GPC4: variants seen among roughly 807,000 people sequenced by gnomAD.
GPC4 encodes glypican 4.
Under a neutral mutation model 35.0 loss-of-function variants are expected in GPC4, and 10 were observed. The observed-to-expected ratio is 0.29, with a 90% confidence interval of 0.18 to 0.48. GPC4 has a LOEUF of 0.48. Ranked by LOEUF, GPC4 falls within the 20% of genes least tolerant of loss-of-function variation. The pLI is 0.99. For synonymous variants in GPC4, 167 were observed against 170.2 expected, an observed-to-expected ratio of 0.98 and a Z score of 0.15; for missense variants, 322 against 451.3, an observed-to-expected ratio of 0.71 and a Z score of 2.60.
Position 133,414,848 on chromosome X carries a change from T to C in GPC4, c.118A>G (p.Lys40Glu). The change falls in exon 1 of 9, where the codon AAA becomes GAA. Residue 40 changes from lysine to glutamate, a missense_variant. Lys to Glu is a moderately conservative substitution (Grantham distance 56). This residue lies in a region of GPC4 where 60 missense variants were observed against 64.1 expected (regional missense o/e 0.94). Coordinates refer to ENST00000370828, the MANE Select transcript of GPC4 (RefSeq NM_001448.3). ...CSEVRRLYVS[K>E]GFNKNDAPLH... ...GGGGCATCGTTCTTGTTGAAGCCTT[T>C]GGACACGTAAAGACGTCGCACTTCC... 1.7e-6 allele frequency: 2 copies of C among 1,211,918 alleles called. No homozygotes were observed. The highest frequency in any genetic ancestry group is 2.2e-6 in the Non-Finnish European group (2 of 895,473).
chrX:133,365,553 G>A (rs2068586261), intron 1 of GPC4, among the ~76,000 whole-genome samples: 1 of 111,537 alleles, frequency 9.0e-6, no homozygotes, highest in Admixed American at 9.6e-5. Context: ...AGGCTGCTGA[G>A]TTTCAGATCT....
chrX:133,381,190 G>A (rs1361359173), intron 1 of GPC4, among the ~76,000 whole-genome samples: 1 of 111,987 alleles, frequency 8.9e-6, no homozygotes, highest in Non-Finnish European at 1.9e-5. Context: ...GATCATACGT[G>A]AGCAGCTACT....
intron 1 of GPC4, among the ~76,000 whole-genome samples, chrX:133,351,692 T>A (rs1476442567): frequency 9.0e-6 from 1 of 111,413 alleles, no homozygotes; most frequent in African/African-American, 3.3e-5. Flanking sequence ...ATCAGACCTG[T>A]TAATTAACTA....
intron 1 of GPC4, among the ~76,000 whole-genome samples, chrX:133,382,974 A>G (rs1487419727): frequency 8.9e-6 from 1 of 112,356 alleles, no homozygotes; most frequent in East Asian, 2.8e-4. Context: ...TGGTACAGCC[A>G]TTTGAAGGCA....
intron 3 of GPC4, among the ~76,000 whole-genome samples, chrX:133,313,599 G>T (rs371411803): frequency 9.0e-6 from 1 of 111,592 alleles, no homozygotes; most frequent in Admixed American, 9.5e-5. Context: ...AGGACTGGAG[G>T]GGGGAGGTGG....
intron 1 of GPC4, among the ~76,000 whole-genome samples, chrX:133,370,825 T>A (rs138055819): frequency 0.014 from 1,582 of 111,655 alleles, 35 homozygotes; most frequent in African/African-American, 0.049. Context: ...CTTTTAAGAC[T>A]GTAGCTCTTG....
At chrX:133,348,190 T>C (rs2068501461) in intron 1 of GPC4, among the ~76,000 whole-genome samples, 1 of 112,169 alleles carries the variant, frequency 8.9e-6, no homozygotes, top group South Asian at 3.7e-4. Flanking sequence ...ATAAGCAAAT[T>C]GTCAACCAAG....
At position 133,303,036 on chromosome X, in the gene GPC4, C is replaced by T. The variant is rs1291657859; in HGVS notation, c.1502G>A (p.Gly501Asp). ...TGAAGGGCACTGCTGATACTCACAG[C>T]CACTTCCACTTCCTTCTCCACTACT... is the stretch of plus-strand genomic sequence containing the variant. ...DESSGEGSGS[G>D]CEYQQCPSEF... is the part of the protein sequence containing the mutation. Residue 501 changes from glycine (G) to aspartate (D), a missense_variant, in exon 9 of 9, where the codon GGC becomes GAC. Gly to Asp is a moderately conservative substitution (Grantham distance 94). Transcript: ENST00000370828. 5 of 1,211,032 alleles carry T rather than the reference C, an allele frequency of 4.1e-6. No individual in the cohort carries two copies. Among genetic ancestry groups the T allele is most frequent in the Non-Finnish European group, 2.2e-6 (2 of 895,226 alleles).
intron 1 of GPC4, among the ~76,000 whole-genome samples, chrX:133,383,673 G>A (rs974329635): frequency 9.0e-6 from 1 of 110,782 alleles, no homozygotes; most frequent in African/African-American, 3.3e-5. Flanking sequence ...TGGAAACCCC[G>A]TCTCTACTAA....
At chrX:133,404,920 T>C (rs1171734372) in intron 1 of GPC4, among the ~76,000 whole-genome samples, 2 of 107,199 alleles carry the variant, frequency 1.9e-5, no homozygotes, top group Non-Finnish European at 3.8e-5. Context: ...AAAAAGCCAC[T>C]GAATTAATAA....
chrX:133,364,621 T>C (rs10482425), intron 1 of GPC4, among the ~76,000 whole-genome samples: 2,077 of 112,430 alleles, frequency 0.018, 54 homozygotes, highest in African/African-American at 0.062. Flanking sequence ...CATTCTGAAC[T>C]TCAATATACA....
At chrX:133,308,191 T>C (rs752692098) in intron 4 of GPC4, among the ~76,000 whole-genome samples, 57 of 111,558 alleles carry the variant, frequency 5.1e-4, no homozygotes, top group African/African-American at 1.7e-3. Context: ...CCAAAGATGA[T>C]TGGTTTGGAG....
In GPC4 at chrX:133,414,967, G is replaced by T. The variant is rs1215383571; in HGVS notation, c.-2C>A. The T allele has an allele frequency of 8.3e-7, 1 of 1,207,131 alleles. No homozygotes were observed. The highest frequency in any genetic ancestry group is 1.7e-5 in the African/African-American group (1 of 57,438). On this transcript the variant is annotated 5_prime_UTR_variant, in exon 1 of 9. Transcript: ENST00000370828. ...CGCGGGCAAGCCGAACCGTGCCATG[G>T]TGCGGGCCGGGGCGGACGCGTTCCC...
intron 1 of GPC4, among the ~76,000 whole-genome samples, chrX:133,370,209 G>A (rs1326034387): frequency 8.9e-6 from 1 of 111,824 alleles, no homozygotes; most frequent in African/African-American, 3.2e-5. Context: ...TTTTGTTCAC[G>A]TCAGAAGCAA....
chrX:133,348,645 T>C (rs766830011), intron 1 of GPC4, among the ~76,000 whole-genome samples: 37 of 112,463 alleles, frequency 3.3e-4, no homozygotes, highest in African/African-American at 1.2e-3. Flanking sequence ...AATTATGATT[T>C]TCACTAGGCT....
rs1171586472 is a variant in GPC4 at position 133,301,909 on chromosome X, A to G, written c.*958T>C. 1 of 111,361 alleles carries G rather than the reference A, an allele frequency of 9.0e-6. No homozygotes were observed. Among genetic ancestry groups the G allele is most frequent in the Non-Finnish European group, 1.9e-5 (1 of 53,109 alleles). 9.2% of individuals were successfully genotyped at this position (111,361 alleles called of 1,213,427 possible). A position where few individuals can be genotyped will look rare whatever the true frequency, so the allele number is the denominator to read the frequency against. ...TGGGTTTGAAATCTCGACCACTCTA[A>G]CAAAGGATATTAATTCAAATAGGGT... On this transcript the variant is annotated 3_prime_UTR_variant, in exon 9 of 9. Coordinates refer to ENST00000370828, the MANE Select transcript of GPC4 (RefSeq NM_001448.3).
intron 6 of GPC4, 34 bp downstream of exon 6, chrX:133,305,738 C>A: frequency 8.3e-7 from 1 of 1,205,209 alleles, no homozygotes; most frequent in Non-Finnish European, 1.1e-6. Flanking sequence ...AGTTCTTTGT[C>A]ATTAAACACG....
chrX:133,341,827 T>C (rs2068468306), intron 1 of GPC4, among the ~76,000 whole-genome samples: 1 of 110,215 alleles, frequency 9.1e-6, no homozygotes, highest in Non-Finnish European at 1.9e-5. Context: ...ATACTAAGGA[T>C]ACACCCTTCA....
intron 2 of GPC4, among the ~76,000 whole-genome samples, chrX:133,327,657 G>A (rs1304249639): frequency 9.3e-6 from 1 of 107,102 alleles, no homozygotes; most frequent in Non-Finnish European, 1.9e-5. Context: ...GTGTGTGTGT[G>A]TGTGTGTGTG....
Sources: allele counts gnomAD v4.1 joint callset (sites outside exome capture counted in the v4.1 genomes callset), GRCh38; gene constraint gnomAD v4.1.1; regional missense constraint gnomAD v4.1.1; transcripts MANE v1.5; gene names NCBI Gene and HGNC (gene_info 2026-07-23, HGNC 2026-07-21).